Variants in FMN2 observed in about 807,000 individuals in gnomAD.
FMN2 encodes formin 2.
FMN2 carries 51 observed loss-of-function variants against 142.3 expected under a neutral mutation model. That is an observed-to-expected ratio of 0.36 (90% confidence interval 0.29 to 0.45). FMN2 has a LOEUF of 0.45. FMN2 is among the 20% of genes least tolerant of loss of function. The pLI, the probability that FMN2 is intolerant of heterozygous loss-of-function variation, is 1.00. For missense variants in FMN2, 1,936 were observed against 2,122.8 expected (o/e 0.91, Z 1.73); for synonymous variants, 882 against 869.8 (o/e 1.01, Z -0.25).
rs369527022 is a variant in FMN2, at chr1:240,157,974, T to TAAAAA, written c.1783-19931_1783-19927dup. On this transcript the variant is annotated intron_variant, in intron 2 of 17. Coordinates refer to ENST00000319653, the MANE Select transcript of FMN2 (RefSeq NM_020066.5). Reference sequence around the variant, plus strand: ...CAACATAGTCAGACTCTGTCTCTACTAAAAAAAAAAAAAAAAAAAAGTCAG... The same window carrying TAAAAA: ...CAACATAGTCAGACTCTGTCTCTACTAAAAAAAAAAAAAAAAAAAAAAAAAGTCAG... Among the ~76,000 whole-genome samples the TAAAAA allele has an allele frequency of 4.7e-4, 35 of 73,724 alleles. 1 individual carries two copies. Among genetic ancestry groups the TAAAAA allele is most frequent in the African/African-American group, 1.6e-3 (34 of 21,344 alleles). The allele number at this position is 73,724 out of a possible 152,430, so 48.4% of individuals were successfully genotyped here. A position where few individuals can be genotyped will look rare whatever the true frequency, so the allele number is the denominator to read the frequency against.
intron 4 of FMN2, among the ~76,000 whole-genome samples, chr1:240,192,343 G>A (rs540431991): frequency 6.6e-6 from 1 of 152,302 alleles, no homozygotes; most frequent in East Asian, 1.9e-4. Flanking sequence ...AGAAAGTGGA[G>A]TAAAAGTGAT....
intron 16 of FMN2, among the ~76,000 whole-genome samples, chr1:240,444,143 A>G (rs755371078): frequency 6.6e-6 from 1 of 152,208 alleles, no homozygotes; most frequent in Admixed American, 6.5e-5. Context: ...CTATATAACC[A>G]TGTGAAGCTA....
intron 15 of FMN2, among the ~76,000 whole-genome samples, chr1:240,392,973 A>G (rs1360447147): frequency 1.7e-5 from 2 of 120,718 alleles, no homozygotes; most frequent in South Asian, 5.1e-4. Flanking sequence ...GGAGACTTGC[A>G]ATTATGGGTA....
At chr1:240,368,667 T>TGG in intron 14 of FMN2, among the ~76,000 whole-genome samples, 1 of 73,436 alleles carries the variant, frequency 1.4e-5, no homozygotes, top group African/African-American at 9.6e-5. Context: ...TTCTTTTTTC[T>TGG]TCCTTTTTTC....
At chr1:240,470,207 G>GAA (rs11422809) in intron 16 of FMN2, among the ~76,000 whole-genome samples, 10,827 of 130,698 alleles carry the variant, frequency 0.083, 582 homozygotes, top group African/African-American at 0.15. Context: ...ACTAAGTGCT[G>GAA]AAAAAAAAAA....
At chr1:240,250,453 A>G (rs1467667374) in intron 6 of FMN2, among the ~76,000 whole-genome samples, 1 of 151,736 alleles carries the variant, frequency 6.6e-6, no homozygotes, top group Admixed American at 6.6e-5. Context: ...TGATTATGGT[A>G]TTTTCTTTAG....
chr1:240,200,420 G>T (rs1431554611), intron 4 of FMN2, among the ~76,000 whole-genome samples: 1 of 152,140 alleles, frequency 6.6e-6, no homozygotes, highest in Non-Finnish European at 1.5e-5. Flanking sequence ...AAATATCTCA[G>T]CTGACTTTCT....
chr1:240,419,292 A>G (rs1674686277), intron 15 of FMN2, among the ~76,000 whole-genome samples: 1 of 152,008 alleles, frequency 6.6e-6, no homozygotes, highest in Non-Finnish European at 1.5e-5. Flanking sequence ...TTTTCTGGTA[A>G]TGCTTTTTGC....
At chr1:240,458,990 C>T (rs543102993) in intron 16 of FMN2, 2 of 152,038 alleles carry the variant, frequency 1.3e-5, no homozygotes, top group African/African-American at 4.8e-5. Context: ...ATCTCTACTA[C>T]AAGATGCAGA....
chr1:240,175,221 G>A (rs983771389), intron 2 of FMN2, among the ~76,000 whole-genome samples: 4 of 152,086 alleles, frequency 2.6e-5, no homozygotes, highest in Non-Finnish European at 4.4e-5. Flanking sequence ...TTGTTTATCT[G>A]TTCATTCATG....
At chr1:240,349,922 C>T (rs1464237153) in intron 13 of FMN2, among the ~76,000 whole-genome samples, 1 of 151,294 alleles carries the variant, frequency 6.6e-6, no homozygotes, top group South Asian at 2.1e-4. Flanking sequence ...TTCTAAATGA[C>T]CCTTCAAGTT....
In FMN2 at chr1:240,332,433, CTTG is replaced by C. The variant is rs1357027260; in HGVS notation, c.4585-1450_4585-1448del. On this transcript the variant is annotated intron_variant, in intron 11 of 17. Coordinates refer to ENST00000319653, the MANE Select transcript of FMN2 (RefSeq NM_020066.5). ...GTAATTCTTCAATACTCAGCAACTG[CTTG>C]TTGGAGTGAAACAACTTTTGCAAAT... 2.0e-5 allele frequency among the ~76,000 whole-genome samples: 3 copies of C among 151,804 alleles called. No individual in the cohort carries two copies. The South Asian group carries it at 6.2e-4, about 32-fold the overall frequency.
rs186524857 is a variant in FMN2, at chr1:240,248,902, T to C, written c.4066-9043T>C. ...GTCTACTCATATCCTCCTTAAAAAG[T>C]GGGCAAAGGAGATGAATTATTTATT... On this transcript the variant is annotated intron_variant, in intron 6 of 17. Coordinates refer to ENST00000319653, the MANE Select transcript of FMN2 (RefSeq NM_020066.5). Among the ~76,000 whole-genome samples, 381 of 152,214 alleles carry C rather than the reference T, an allele frequency of 2.5e-3. 1 individual carries two copies. The highest frequency in any genetic ancestry group is 0.022 in the South Asian group (107 of 4,826).
intron 16 of FMN2, among the ~76,000 whole-genome samples, chr1:240,467,692 T>C (rs1676668289): frequency 1.3e-5 from 2 of 152,236 alleles, no homozygotes; most frequent in South Asian, 2.1e-4. Context: ...ATTCATTGAT[T>C]AATCTCACTG....
chr1:240,209,127 A>T (rs1386476892), intron 5 of FMN2, among the ~76,000 whole-genome samples: 1 of 152,216 alleles, frequency 6.6e-6, no homozygotes. Flanking sequence ...GAATGAGGGC[A>T]GGTAAGCAGA....
At chr1:240,308,548 C>T (rs1036030792) in intron 8 of FMN2, among the ~76,000 whole-genome samples, 1 of 152,072 alleles carries the variant, frequency 6.6e-6, no homozygotes, top group African/African-American at 2.4e-5. Flanking sequence ...ACTGGCCCAA[C>T]CAGAAACAGA....
chr1:240,329,918 C>T (rs535091746), intron 10 of FMN2, among the ~76,000 whole-genome samples: 3 of 151,910 alleles, frequency 2.0e-5, no homozygotes, highest in South Asian at 2.1e-4. Context: ...AATATTCTTC[C>T]GAAAACAAAA....
intron 14 of FMN2, among the ~76,000 whole-genome samples, chr1:240,385,986 GCT>G (rs1673394439): frequency 6.6e-6 from 1 of 152,094 alleles, no homozygotes; most frequent in Non-Finnish European, 1.5e-5. Context: ...TGCCTCAAAT[GCT>G]CTCTTTCTTC....
At chr1:240,305,533 A>G (rs1226568956) in intron 8 of FMN2, among the ~76,000 whole-genome samples, 1 of 152,246 alleles carries the variant, frequency 6.6e-6, no homozygotes, top group Non-Finnish European at 1.5e-5. Flanking sequence ...GCCATAATGT[A>G]TGCCTAATAA....
Sources: allele counts gnomAD v4.1 joint callset (sites outside exome capture counted in the v4.1 genomes callset), GRCh38; gene constraint gnomAD v4.1.1; transcripts MANE v1.5; gene names NCBI Gene and HGNC (gene_info 2026-07-23, HGNC 2026-07-21).